The following ABCA13 variants were observed in gnomAD, a reference collection of about 807,000 sequenced individuals.
The protein encoded by ABCA13 is ATP binding cassette subfamily A member 13.
In ABCA13, 476 loss-of-function variants were observed where a neutral mutation model predicts 478.7. The observed-to-expected ratio is 0.99, with a 90% CI of 0.92 to 1.07. The LOEUF (loss-of-function observed/expected upper bound fraction) is 1.07, where lower values mean the gene tolerates loss of function less well. Ranked by LOEUF, ABCA13 falls within the 50% of genes least tolerant of loss-of-function variation. ABCA13 has a pLI of 0.00. For missense variants in ABCA13, 6,060 were observed against 5,910.6 expected, an observed-to-expected ratio of 1.03 and a Z score of -0.83; for synonymous variants, 2,252 against 2,158.9, an observed-to-expected ratio of 1.04 and a Z score of -1.20.
intron 59 of ABCA13, among the ~76,000 whole-genome samples, chr7:48,624,599 G>C (rs1793488758): frequency 6.6e-6 from 1 of 151,334 alleles, no homozygotes; most frequent in South Asian, 2.1e-4. Context: ...GCCCAGGCTG[G>C]TGTGCGAGTG....
intron 20 of ABCA13, among the ~76,000 whole-genome samples, chr7:48,289,359 A>AT (rs767935565): frequency 0.043 from 5,957 of 139,604 alleles, 357 homozygotes; most frequent in African/African-American, 0.14. Context: ...CCCACAGACA[A>AT]TTTTTTTTTT....
At chr7:48,449,789 G>T (rs984805439) in intron 42 of ABCA13, among the ~76,000 whole-genome samples, 6 of 152,188 alleles carry the variant, frequency 3.9e-5, no homozygotes, top group Admixed American at 6.5e-5. Flanking sequence ...GGGGTCAGCA[G>T]AAAATAGTCC....
chr7:48,494,741 TAAG>T (rs1223384440), intron 48 of ABCA13, among the ~76,000 whole-genome samples: 3 of 151,998 alleles, frequency 2.0e-5, no homozygotes, highest in Admixed American at 1.3e-4. Context: ...GGATAAAAGA[TAAG>T]AAGAAAATGC....
chr7:48,356,678 C>T (rs1809978903), intron 31 of ABCA13, among the ~76,000 whole-genome samples: 1 of 151,858 alleles, frequency 6.6e-6, no homozygotes, highest in African/African-American at 2.4e-5. Flanking sequence ...GAACTAATGT[C>T]CTGAAAGGCA....
chr7:48,389,197 C>T lies in ABCA13; in HGVS notation c.11631C>T (p.Asn3877=), dbSNP rs374031988. 139 of 1,613,622 alleles carry T rather than the reference C, an allele frequency of 8.6e-5. No homozygotes were observed. The highest frequency in any genetic ancestry group is 1.4e-4 in the South Asian group (13 of 91,048). ...AAATCACCGCCCTGCTGGGGACAAA[C>T]GGTGCCGGGAAAACCACTATCATGT... ...RDQITALLGT[N]GAGKTTIISM... Residue 3877 remains asparagine, a synonymous_variant, in exon 37 of 62, where the codon AAC becomes AAT. Coordinates refer to ENST00000435803, the MANE Select transcript of ABCA13 (RefSeq NM_152701.5).
intron 20 of ABCA13, among the ~76,000 whole-genome samples, chr7:48,291,023 T>G (rs898088644): frequency 6.6e-6 from 1 of 151,360 alleles, no homozygotes; most frequent in Non-Finnish European, 1.5e-5. Context: ...GTGCATGTTA[T>G]TAGAAATGTG....
At chr7:48,396,194 C>A (rs574636782) in intron 38 of ABCA13, among the ~76,000 whole-genome samples, 2 of 152,340 alleles carry the variant, frequency 1.3e-5, no homozygotes, top group African/African-American at 4.8e-5. Flanking sequence ...AGGACCAGAT[C>A]CCCTCCCACC....
rs1378624695 is a variant in ABCA13 at position 48,647,211 on chromosome 7, A to T, written c.*1699A>T. On this transcript the variant is annotated 3_prime_UTR_variant, in exon 62 of 62. Coordinates refer to ENST00000435803, the MANE Select transcript of ABCA13 (RefSeq NM_152701.5). ...AGATTTCATTAAATCTCTATTTCCT[A>T]AATATCATTCTATACAAAAGATATT... 6.6e-6 allele frequency: 1 copy of T among 152,208 alleles called. No homozygotes were observed. The highest frequency in any genetic ancestry group is 2.4e-5 in the African/African-American group (1 of 41,454). 9.4% of individuals were successfully genotyped at this position (152,208 alleles called of 1,614,324 possible).
At chr7:48,411,499 G>T (rs997710628) in intron 40 of ABCA13, among the ~76,000 whole-genome samples, 3 of 151,888 alleles carry the variant, frequency 2.0e-5, no homozygotes, top group Non-Finnish European at 4.4e-5. Flanking sequence ...GTAAAGATGG[G>T]GTTTTACCAT....
In ABCA13 at chr7:48,272,837, G is replaced by T; in HGVS notation, c.3171G>T (p.Val1057=). 6.2e-7 allele frequency: 1 copy of T among 1,607,202 alleles called. No individual in the cohort carries two copies. Among genetic ancestry groups the T allele is most frequent in the Non-Finnish European group, 8.5e-7 (1 of 1,175,918 alleles). The change falls in exon 17 of 62, where the codon GTG becomes GTT. Residue 1057 remains valine (V), a synonymous_variant. Transcript: ENST00000435803. The stretch of plus-strand genomic sequence containing the variant: ...CTACAGAGGGCCAAGAACTGGAAGT[G>T]ATCCACACTACTTTGACAGGCCTCA... ...FMSTEGQELE[V]IHTTLTGLKQ...
At chr7:48,193,510 A>G (rs1351814982) in intron 2 of ABCA13, among the ~76,000 whole-genome samples, 2 of 151,700 alleles carry the variant, frequency 1.3e-5, no homozygotes, top group African/African-American at 4.8e-5. Context: ...GACAGAAATG[A>G]TAATGATGGT....
At chr7:48,323,046 G>T (rs1014098613) in intron 27 of ABCA13, among the ~76,000 whole-genome samples, 28 of 152,244 alleles carry the variant, frequency 1.8e-4, no homozygotes, top group South Asian at 2.1e-4. Flanking sequence ...ATTGCCAAGT[G>T]GTATTCTGTG....
rs536892981 is a variant in ABCA13 at position 48,463,113 on chromosome 7, T to G, written c.12816-3843T>G. 2.6e-5 allele frequency among the ~76,000 whole-genome samples: 4 copies of G among 152,150 alleles called. No homozygotes were observed. The South Asian group carries it at 6.2e-4, about 24-fold the overall frequency. On this transcript the variant is annotated intron_variant, in intron 43 of 61. Coordinates refer to ENST00000435803, the MANE Select transcript of ABCA13 (RefSeq NM_152701.5). ...CTGTGTAGGCATGTGCTTCTCTGTT[T>G]TTTTGTTTTGTTTTGTTTTGTTTTT...
chr7:48,352,080 T>G, intron 30 of ABCA13, 101 bp from the exon 31 acceptor site: 1 of 1,202,548 alleles, frequency 8.3e-7, no homozygotes, highest in Admixed American at 2.3e-5. Flanking sequence ...GGGCTGTGAG[T>G]CTCAGGCTCC....
intron 3 of ABCA13, among the ~76,000 whole-genome samples, chr7:48,208,439 C>T (rs10270597): frequency 0.21 from 31,961 of 151,912 alleles, 3,965 homozygotes; most frequent in East Asian, 0.33. Flanking sequence ...TCCATGAACA[C>T]GGAACATCTT....
chr7:48,193,537 G>A (rs1178731865), intron 2 of ABCA13, among the ~76,000 whole-genome samples: 1 of 148,716 alleles, frequency 6.7e-6, no homozygotes. Context: ...AGTTATAATG[G>A]TGCAAGAGAT....
At chr7:48,425,891 G>C (rs1223543400) in intron 41 of ABCA13, among the ~76,000 whole-genome samples, 1 of 151,922 alleles carries the variant, frequency 6.6e-6, no homozygotes, top group East Asian at 1.9e-4. Context: ...ACAGGCGCCC[G>C]CCACCTCGCC....
intron 9 of ABCA13, among the ~76,000 whole-genome samples, chr7:48,239,989 T>A (rs984000450): frequency 1.3e-5 from 2 of 152,234 alleles, no homozygotes; most frequent in Non-Finnish European, 2.9e-5. Context: ...GCTTTGCGCT[T>A]CTTGGGGAGG....
At chr7:48,344,391 C>T (rs1284468039) in intron 29 of ABCA13, among the ~76,000 whole-genome samples, 2 of 152,204 alleles carry the variant, frequency 1.3e-5, no homozygotes, top group African/African-American at 4.8e-5. Context: ...CAGGAGGAGA[C>T]ACGTTGGAAT....
Sources: gnomAD v4.1 joint callset for allele counts (sites outside exome capture counted in the v4.1 genomes callset) on GRCh38, gnomAD v4.1.1 for gene constraint, MANE v1.5 for transcripts, NCBI Gene and HGNC (gene_info 2026-07-23, HGNC 2026-07-21) for gene names.